The following DHRSX variants were observed in gnomAD, a reference collection of about 807,000 sequenced individuals.
DHRSX encodes polyprenol dehydrogenase.
DHRSX carries 31 observed loss-of-function variants against 34.0 expected under a neutral mutation model. That is an observed-to-expected ratio of 0.91 (90% CI 0.69 to 1.23). The LOEUF is 1.23. Ranked by LOEUF, DHRSX falls within the 50% of genes most tolerant of loss-of-function variation. The probability of loss-of-function intolerance (pLI) is 0.00; values close to 1 mark genes in which losing one functional copy is unlikely to be tolerated. For missense variants in DHRSX, 414 were observed against 428.1 expected, an observed-to-expected ratio of 0.97 and a Z score of 0.29; for synonymous variants, 201 against 183.8, an observed-to-expected ratio of 1.09 and a Z score of -0.76.
chrX:2,473,483 C>T (rs1360794601), intron 1 of DHRSX, among the ~76,000 whole-genome samples: 1 of 151,768 alleles, frequency 6.6e-6, no homozygotes, highest in African/African-American at 2.4e-5. Context: ...ATTAGCCGGG[C>T]GTGGTGGCAC....
intron 3 of DHRSX, among the ~76,000 whole-genome samples, chrX:2,397,152 C>T (rs982322931): frequency 5.9e-5 from 9 of 151,946 alleles, no homozygotes; most frequent in African/African-American, 1.7e-4. Flanking sequence ...GGCACGCACA[C>T]CACGCCTGAC....
chrX:2,356,750 T>C (rs1288262605), intron 3 of DHRSX, among the ~76,000 whole-genome samples: 1 of 152,210 alleles, frequency 6.6e-6, no homozygotes, highest in Non-Finnish European at 1.5e-5. Flanking sequence ...CCCTTTCCAT[T>C]TGATGAATAG....
intron 1 of DHRSX, among the ~76,000 whole-genome samples, chrX:2,485,075 C>G (rs755131041): frequency 1.3e-5 from 2 of 152,284 alleles, no homozygotes; most frequent in Non-Finnish European, 2.9e-5. Flanking sequence ...AAACAACCAG[C>G]TCAGAGTTAG....
At chrX:2,364,250 A>G (rs1313356135) in intron 3 of DHRSX, among the ~76,000 whole-genome samples, 1 of 152,138 alleles carries the variant, frequency 6.6e-6, no homozygotes, top group African/African-American at 2.4e-5. Context: ...TCCCCCAGGA[A>G]CATATAGAAA....
At chrX:2,223,849 G>A (rs765190996) in intron 6 of DHRSX, among the ~76,000 whole-genome samples, 22 of 152,108 alleles carry the variant, frequency 1.4e-4, no homozygotes, top group African/African-American at 5.3e-4. Context: ...GTCTTTCTGG[G>A]GCCCAGCCCA....
At chrX:2,341,803 GTTTGT>G (rs1300320688) in intron 3 of DHRSX, among the ~76,000 whole-genome samples, 1 of 31,330 alleles carries the variant, frequency 3.2e-5, no homozygotes, top group Non-Finnish European at 1.1e-4. Flanking sequence ...AAGTTTTTTT[GTTTGT>G]TTTGTTTTGT....
At chrX:2,323,452 CTATGAACCCCAGAATAGA>C (rs1188262352) in intron 3 of DHRSX, among the ~76,000 whole-genome samples, 1 of 152,054 alleles carries the variant, frequency 6.6e-6, no homozygotes, top group Non-Finnish European at 1.5e-5. Context: ...ACAAGCATCA[CTATGAACCCCAGAATAGA>C]TATGTTTTTT....
At chrX:2,314,455 GAGGAAGGAAGGGGAGAAGGAAGGAAGGA>G (rs1370800129) in intron 3 of DHRSX, among the ~76,000 whole-genome samples, 339 of 26,770 alleles carry the variant, frequency 0.013, 25 homozygotes, top group African/African-American at 0.041. Flanking sequence ...GGGGAGAAGG[GAGGAAGGAAGGGGAGAAGGAAGGAAGGA>G]AGGAAGGGAG....
At chrX:2,320,850 T>TA (rs748857713) in intron 3 of DHRSX, among the ~76,000 whole-genome samples, 2 of 151,784 alleles carry the variant, frequency 1.3e-5, no homozygotes, top group Non-Finnish European at 2.9e-5. Context: ...GGTCTAAAGA[T>TA]AAAGAGGGTT....
intron 4 of DHRSX, among the ~76,000 whole-genome samples, chrX:2,268,566 C>T (rs192413069): frequency 7.2e-5 from 11 of 152,254 alleles, no homozygotes; most frequent in South Asian, 2.1e-4. Context: ...TATGTGTTCA[C>T]GTCTTTACAT....
Position 2,297,370 on chromosome X carries a change from G to A in DHRSX, c.287-5767C>T, listed in dbSNP as rs749371849. Among the ~76,000 whole-genome samples, 9 of 152,226 alleles carry A rather than the reference G, an allele frequency of 5.9e-5. No homozygotes were observed. In the East Asian group the frequency reaches 9.6e-4, roughly 16 times the overall value. ...ACTCCTGGGCTCAAGCGATCCGCCCGCCTTGGCCTCTCAAAGTGCTGGGAT... is the reference window on the plus strand; with the variant it reads ...ACTCCTGGGCTCAAGCGATCCGCCCACCTTGGCCTCTCAAAGTGCTGGGAT... On this transcript the variant is annotated intron_variant, in intron 3 of 6. Transcript: ENST00000334651.
chrX:2,362,838 CGTTCT>C (rs1236171574), intron 3 of DHRSX, among the ~76,000 whole-genome samples: 9 of 131,788 alleles, frequency 6.8e-5, no homozygotes, highest in East Asian at 4.4e-4. Flanking sequence ...ATTTTATCAC[CGTTCT>C]ATGGTATCAT....
chrX:2,330,094 GAGGGAGGGAGAGAGA>G (rs2042441796), intron 3 of DHRSX, among the ~76,000 whole-genome samples: 2 of 9,424 alleles, frequency 2.1e-4, no homozygotes. Flanking sequence ...GGGGGGGGGG[GAGGGAGGGAGAGAGA>G]GAGAGAGAGA....
chrX:2,413,574 T>A (rs1603066432), intron 2 of DHRSX, among the ~76,000 whole-genome samples: 1 of 152,268 alleles, frequency 6.6e-6, no homozygotes. Context: ...TCTATTAAAA[T>A]AAGTAAATAG....
At chrX:2,395,854 A>G (rs1170099583) in intron 3 of DHRSX, among the ~76,000 whole-genome samples, 2 of 152,162 alleles carry the variant, frequency 1.3e-5, no homozygotes, top group African/African-American at 4.8e-5. Context: ...GTATGCCTCT[A>G]TCAGCAATGC....
At chrX:2,428,414 T>C (rs1479048316) in intron 1 of DHRSX, among the ~76,000 whole-genome samples, 3 of 152,122 alleles carry the variant, frequency 2.0e-5, no homozygotes, top group Non-Finnish European at 2.9e-5. Context: ...ATGTGGCACA[T>C]GGACACCATG....
chrX:2,417,069 C>T (rs2043703483), intron 2 of DHRSX, among the ~76,000 whole-genome samples: 1 of 152,122 alleles, frequency 6.6e-6, no homozygotes, highest in Non-Finnish European at 1.5e-5. Flanking sequence ...TTGGATTGAC[C>T]TGAAGGGTCA....
At chrX:2,455,786 TGC>T (rs1479367783) in intron 1 of DHRSX, among the ~76,000 whole-genome samples, 1 of 148,926 alleles carries the variant, frequency 6.7e-6, no homozygotes, top group African/African-American at 2.5e-5. Context: ...CACAAAACAC[TGC>T]ATGCTTCTAT....
intron 5 of DHRSX, among the ~76,000 whole-genome samples, chrX:2,259,928 T>C (rs1321899507): frequency 6.6e-6 from 1 of 152,212 alleles, no homozygotes; most frequent in Non-Finnish European, 1.5e-5. Flanking sequence ...GTTCTTTATT[T>C]TCAAATAAAG....
Sources: gnomAD v4.1 joint callset for allele counts (sites outside exome capture counted in the v4.1 genomes callset) on GRCh38, gnomAD v4.1.1 for gene constraint, MANE v1.5 for transcripts, NCBI Gene and HGNC (gene_info 2026-07-23, HGNC 2026-07-21) for gene names.